Variants in PPP2R2B observed in about 807,000 individuals in gnomAD.
PPP2R2B encodes the protein serine/threonine-protein phosphatase 2A 55 kDa regulatory subunit B beta isoform.
A neutral mutation model predicts 46.0 loss-of-function variants in PPP2R2B; 5 were observed. That is an observed-to-expected ratio of 0.11 (90% CI 0.06 to 0.23). The LOEUF is 0.23. Ranked by LOEUF, PPP2R2B falls within the 10% of genes least tolerant of loss-of-function variation. The probability of loss-of-function intolerance (pLI) is 1.00; values close to 1 mark genes in which losing one functional copy is unlikely to be tolerated. For synonymous variants in PPP2R2B, 215 were observed against 206.7 expected (o/e 1.04, Z -0.34); for missense variants, 367 against 575.0 (o/e 0.64, Z 3.70).
At chr5:146,811,278 G>A (rs1448807493) in intron 2 of PPP2R2B, among the ~76,000 whole-genome samples, 9 of 152,216 alleles carry the variant, frequency 5.9e-5, no homozygotes, top group South Asian at 4.2e-4. Flanking sequence ...GATTACAGGC[G>A]TGAGCCACGG....
At chr5:146,747,681 G>C (rs900527863) in intron 2 of PPP2R2B, among the ~76,000 whole-genome samples, 4 of 152,190 alleles carry the variant, frequency 2.6e-5, no homozygotes, top group African/African-American at 4.8e-5. Flanking sequence ...CAAGGTTTGG[G>C]AAGTGGTACA....
chr5:147,055,757 A>T (rs1267525093), exon 1 of PPP2R2B: 1 of 1,604,360 alleles, frequency 6.2e-7, no homozygotes, highest in South Asian at 1.1e-5. Context: ...CCAAATAAAA[A>T]ATAAAAATCT....
chr5:147,075,995 C>A (rs1448512566), intron 2 of PPP2R2B, among the ~76,000 whole-genome samples: 2 of 152,034 alleles, frequency 1.3e-5, no homozygotes, highest in African/African-American at 4.8e-5. Flanking sequence ...TTTATTATCC[C>A]AATTTTACAT....
At chr5:146,791,598 C>T (rs1756207024) in intron 2 of PPP2R2B, among the ~76,000 whole-genome samples, 1 of 152,124 alleles carries the variant, frequency 6.6e-6, no homozygotes, top group African/African-American at 2.4e-5. Context: ...ACTCTCTTCA[C>T]ACTCACTCCT....
At chr5:147,022,838 G>A (rs1028167525) in intron 1 of PPP2R2B, among the ~76,000 whole-genome samples, 1 of 151,922 alleles carries the variant, frequency 6.6e-6, no homozygotes, top group Non-Finnish European at 1.5e-5. Context: ...ACAAAACCCA[G>A]TCTAGATAGA....
At position 146,656,248 on chromosome 5, in the gene PPP2R2B, C is replaced by G. The variant is rs192757727; in HGVS notation, c.448-5524G>C. ...CCTCTCTGAGGGAGTGGGGTATGAA[C>G]AGAGACCTGAATGAAGTGAGAGGGG... On this transcript the variant is annotated intron_variant, in intron 5 of 9. Transcript: ENST00000394411. Among the ~76,000 whole-genome samples, 14 of 151,986 alleles carry G rather than the reference C, an allele frequency of 9.2e-5. No homozygotes were observed. The East Asian group carries it at 2.7e-3, about 30-fold the overall frequency.
chr5:146,745,554 T>C (rs73322109), intron 2 of PPP2R2B, among the ~76,000 whole-genome samples: 3,675 of 152,204 alleles, frequency 0.024, 142 homozygotes, highest in African/African-American at 0.081. Flanking sequence ...ATTATTAGAG[T>C]CCTCTAGATT....
chr5:146,859,391 G>T (rs1257432897), intron 2 of PPP2R2B, among the ~76,000 whole-genome samples: 4 of 152,124 alleles, frequency 2.6e-5, no homozygotes, highest in African/African-American at 7.2e-5. Flanking sequence ...GTTTATTGAA[G>T]AACTAATTTA....
intron 5 of PPP2R2B, among the ~76,000 whole-genome samples, chr5:146,679,312 A>C (rs1307437674): frequency 7.1e-5 from 2 of 28,356 alleles, no homozygotes; most frequent in Non-Finnish European, 1.0e-4. Flanking sequence ...CCTATTTAAT[A>C]AATGGTGCTG....
upstream of PPP2R2B, among the ~76,000 whole-genome samples, chr5:146,882,160 C>A (rs187465809): frequency 1.1e-3 from 172 of 152,000 alleles, 1 homozygote; most frequent in East Asian, 0.02. Context: ...GCCTGTAGTC[C>A]CAGCTACTCG....
intron 2 of PPP2R2B, among the ~76,000 whole-genome samples, chr5:146,843,004 C>T (rs1400793770): frequency 6.6e-6 from 1 of 152,168 alleles, no homozygotes; most frequent in Non-Finnish European, 1.5e-5. Flanking sequence ...GCCTGACCAA[C>T]ATGGAGAAAC....
At chr5:146,804,708 T>C (rs966506536) in intron 2 of PPP2R2B, among the ~76,000 whole-genome samples, 1 of 152,176 alleles carries the variant, frequency 6.6e-6, no homozygotes, top group Non-Finnish European at 1.5e-5. Flanking sequence ...TATTATATAT[T>C]AGACATGAAT....
At chr5:146,686,077 C>T (rs1489829715) in intron 5 of PPP2R2B, among the ~76,000 whole-genome samples, 1 of 152,198 alleles carries the variant, frequency 6.6e-6, no homozygotes, top group African/African-American at 2.4e-5. Flanking sequence ...TCCAGCTCTT[C>T]CGTTTTCTAG....
chr5:146,847,370 C>T (rs925058771), intron 2 of PPP2R2B, among the ~76,000 whole-genome samples: 1 of 152,208 alleles, frequency 6.6e-6, no homozygotes, highest in African/African-American at 2.4e-5. Context: ...CTGAACTCCA[C>T]TGTTCTGTAA....
intron 7 of PPP2R2B, among the ~76,000 whole-genome samples, chr5:146,623,752 C>T (rs1053892718): frequency 4.6e-5 from 7 of 152,152 alleles, no homozygotes; most frequent in Non-Finnish European, 7.4e-5. Context: ...GGATAGCATT[C>T]CCCTGACCTC....
intron 2 of PPP2R2B, among the ~76,000 whole-genome samples, chr5:146,727,104 A>T (rs538662718): frequency 6.6e-6 from 1 of 152,318 alleles, no homozygotes; most frequent in Non-Finnish European, 1.5e-5. Flanking sequence ...CCTTCAGGGA[A>T]TTCAAAATTG....
At chr5:147,054,953 A>G (rs1757004394) in intron 1 of PPP2R2B, among the ~76,000 whole-genome samples, 1 of 152,202 alleles carries the variant, frequency 6.6e-6, no homozygotes, top group Non-Finnish European at 1.5e-5. Context: ...TGCTTAGTTG[A>G]AAGGGAATTG....
chr5:146,766,662 G>T (rs995623496), intron 2 of PPP2R2B, among the ~76,000 whole-genome samples: 1 of 152,154 alleles, frequency 6.6e-6, no homozygotes, highest in Non-Finnish European at 1.5e-5. Context: ...GCTCAGAGAG[G>T]TTAAGTTCTC....
rs78272885 is a variant in PPP2R2B, at chr5:147,072,055, A to C, written c.50+9004T>G. On this transcript the variant is annotated intron_variant, in intron 2 of 10. Transcript: ENST00000394413. ...TCAGTGCATCCAGGGGAAGATGAGC[A>C]GTAAAAAAATTTCTGGTGTAGGATT... Among the ~76,000 whole-genome samples the C allele has an allele frequency of 5.3e-4, 80 of 152,348 alleles. 1 individual carries two copies. In the East Asian group the frequency reaches 6.0e-3, roughly 11 times the overall value.
Sources: allele counts gnomAD v4.1 joint callset (sites outside exome capture counted in the v4.1 genomes callset), GRCh38; gene constraint gnomAD v4.1.1; transcripts MANE v1.5; gene names NCBI Gene and HGNC (gene_info 2026-07-23, HGNC 2026-07-21).